The following RAB5C variants were observed in gnomAD, a reference collection of about 807,000 sequenced individuals.
RAB5C encodes the protein ras-related protein Rab-5C.
RAB5C carries 4 observed loss-of-function variants against 25.2 expected under a neutral mutation model. The observed-to-expected ratio is 0.16, with a 90% CI of 0.08 to 0.36. The LOEUF (loss-of-function observed/expected upper bound fraction) is 0.36, where lower values mean the gene tolerates loss of function less well. Ranked by LOEUF, RAB5C falls within the 10% of genes least tolerant of loss-of-function variation. The probability of loss-of-function intolerance (pLI) is 1.00; values close to 1 mark genes in which losing one functional copy is unlikely to be tolerated. For missense variants in RAB5C, 199 were observed against 283.8 expected (o/e 0.70, Z 2.15); for synonymous variants, 100 against 106.4 (o/e 0.94, Z 0.37).
At chr17:42,136,830 C>T (rs1568021210) in intron 1 of RAB5C, among the ~76,000 whole-genome samples, 1 of 152,102 alleles carries the variant, frequency 6.6e-6, no homozygotes, top group Non-Finnish European at 1.5e-5. Flanking sequence ...CCCAAGCCTG[C>T]CCAAGACTCA....
chr17:42,140,422 T>G (rs1288438452), intron 1 of RAB5C, among the ~76,000 whole-genome samples: 1 of 144,486 alleles, frequency 6.9e-6, no homozygotes, highest in Non-Finnish European at 1.5e-5. Flanking sequence ...AAGTTCTCAG[T>G]GGGAGACCTG....
At chr17:42,151,330 T>C (rs981818646) in intron 1 of RAB5C, among the ~76,000 whole-genome samples, 1 of 151,592 alleles carries the variant, frequency 6.6e-6, no homozygotes, top group Non-Finnish European at 1.5e-5. Flanking sequence ...CCAACTACTC[T>C]GGAGGCTGAG....
intron 2 of RAB5C, 80 bp from the exon 3 acceptor site, chr17:42,128,880 T>G: frequency 1.9e-5 from 24 of 1,260,386 alleles, no homozygotes; most frequent in Non-Finnish European, 2.4e-5. Flanking sequence ...TTCTAGGCTC[T>G]GGCACTCAGA....
intron 5 of RAB5C, 109 bp downstream of exon 5, chr17:42,126,631 CAAAAAAAAAAAAAAA>C (rs71357528): frequency 3.4e-4 from 29 of 84,560 alleles, no homozygotes; most frequent in Non-Finnish European, 4.8e-4. Flanking sequence ...GACTCCATCT[CAAAAAAAAAAAAAAA>C]AAAAAAAAAA....
At chr17:42,153,273 G>A (rs1000874582) in intron 1 of RAB5C, among the ~76,000 whole-genome samples, 12 of 152,004 alleles carry the variant, frequency 7.9e-5, no homozygotes, top group African/African-American at 2.7e-4. Flanking sequence ...AAAATTAGCC[G>A]GGTGTGGTGG....
chr17:42,154,178 C>A (rs1187635622), intron 1 of RAB5C, among the ~76,000 whole-genome samples: 1 of 152,104 alleles, frequency 6.6e-6, no homozygotes, highest in African/African-American at 2.4e-5. Flanking sequence ...GCACATCCAC[C>A]CTGATCTGTG....
chr17:42,127,615 C>T (rs2054439933), intron 4 of RAB5C, among the ~76,000 whole-genome samples: 1 of 151,298 alleles, frequency 6.6e-6, no homozygotes, highest in African/African-American at 2.4e-5. Context: ...ACGATCACTG[C>T]TCACTGCAGC....
At chr17:42,152,247 A>C (rs2079676393) in intron 1 of RAB5C, among the ~76,000 whole-genome samples, 2 of 152,178 alleles carry the variant, frequency 1.3e-5, no homozygotes, top group East Asian at 1.9e-4. Context: ...ATTTTTAAAA[A>C]TTAGTGTTAC....
chr17:42,146,034 T>C (rs966653416), intron 1 of RAB5C, among the ~76,000 whole-genome samples: 2 of 152,148 alleles, frequency 1.3e-5, no homozygotes, highest in Non-Finnish European at 2.9e-5. Flanking sequence ...CTCGAACTCC[T>C]GACTTCAAGT....
At chr17:42,148,345 C>T (rs1480308217) in intron 1 of RAB5C, among the ~76,000 whole-genome samples, 1 of 131,738 alleles carries the variant, frequency 7.6e-6, no homozygotes, top group African/African-American at 3.0e-5. Flanking sequence ...GCGGAGGTTA[C>T]AGTGAGCAAG....
intron 4 of RAB5C, 56 bp downstream of exon 4, chr17:42,128,205 G>A (rs887456658): frequency 5.9e-5 from 93 of 1,573,162 alleles, no homozygotes; most frequent in African/African-American, 4.6e-4. Flanking sequence ...CATCCCAGGC[G>A]AGGCCGGGGG....
At chr17:42,133,682 C>T (rs981359523) in intron 1 of RAB5C, among the ~76,000 whole-genome samples, 2 of 152,218 alleles carry the variant, frequency 1.3e-5, no homozygotes, top group Non-Finnish European at 2.9e-5. Flanking sequence ...GTGACTGTCT[C>T]CTGCCACTTC....
intron 1 of RAB5C, chr17:42,136,445 G>A (rs558020937): frequency 6.6e-6 from 1 of 152,302 alleles, no homozygotes; most frequent in Non-Finnish European, 1.5e-5. Context: ...CTTCCCCAGC[G>A]TGGCTAGCAG....
intron 1 of RAB5C, 66 bp from the exon 2 acceptor site, chr17:42,130,656 A>G: frequency 2.1e-6 from 3 of 1,450,154 alleles, no homozygotes; most frequent in Non-Finnish European, 2.7e-6. Flanking sequence ...TCCTTCTTAA[A>G]TTACAGATCT....
At chr17:42,141,453 G>A (rs923831341) in intron 1 of RAB5C, among the ~76,000 whole-genome samples, 34 of 152,216 alleles carry the variant, frequency 2.2e-4, no homozygotes, top group African/African-American at 8.2e-4. Flanking sequence ...CAGATACGGT[G>A]AACTGTGCAT....
At chr17:42,144,700 G>A (rs1473216723) in intron 1 of RAB5C, among the ~76,000 whole-genome samples, 44 of 151,586 alleles carry the variant, frequency 2.9e-4, no homozygotes, top group South Asian at 8.3e-4. Flanking sequence ...AGGCTGAGGC[G>A]GGCGGATCAC....
intron 4 of RAB5C, 30 bp from the exon 5 acceptor site, chr17:42,126,878 G>A (rs1370544421): frequency 1.3e-5 from 19 of 1,506,432 alleles, no homozygotes; most frequent in Non-Finnish European, 1.7e-5. Context: ...GAGGAGGTGA[G>A]AGGGAAATGT....
At position 42,125,737 on chromosome 17, in the gene RAB5C, G is replaced by A. The variant is rs1187689733; in HGVS notation, c.*46C>T. 7 of 1,397,458 alleles carry A rather than the reference G, an allele frequency of 5.0e-6. No homozygotes were observed. The highest frequency in any genetic ancestry group is 2.4e-5 in the East Asian group (1 of 41,224). 86.6% of individuals were successfully genotyped at this position (1,397,458 alleles called of 1,614,324 possible). On this transcript the variant is annotated 3_prime_UTR_variant, in exon 6 of 6. Transcript: ENST00000346213. ...ATTGGTTAGAGTGGATTCCAGTCGG[G>A]TCATTCAGGCGGAGGAGGCGGGGGC...
chr17:42,147,482 G>A (rs1226621269), intron 1 of RAB5C, among the ~76,000 whole-genome samples: 1 of 152,234 alleles, frequency 6.6e-6, no homozygotes, highest in Non-Finnish European at 1.5e-5. Context: ...CCTGCCATCA[G>A]ATACACACAC....
Sources: allele counts gnomAD v4.1 joint callset (sites outside exome capture counted in the v4.1 genomes callset), GRCh38; gene constraint gnomAD v4.1.1; transcripts MANE v1.5; gene names NCBI Gene and HGNC (gene_info 2026-07-23, HGNC 2026-07-21).